The following TP63 variants were observed in gnomAD, a reference collection of about 807,000 sequenced individuals.
The protein encoded by TP63 is tumor protein p63.
TP63 carries 17 observed loss-of-function variants against 82.8 expected under a neutral mutation model. The ratio of observed to expected loss-of-function variants is 0.21; its 90% CI spans 0.14 to 0.31. The LOEUF is 0.31. TP63 is among the 10% of genes least tolerant of loss of function. The pLI is 1.00. For synonymous variants in TP63, 330 were observed against 321.7 expected (o/e 1.03, Z -0.28); for missense variants, 648 against 895.3 (o/e 0.72, Z 3.52).
chr3:189,813,491 T>C (rs1727806030), intron 4 of TP63, among the ~76,000 whole-genome samples: 1 of 152,188 alleles, frequency 6.6e-6, no homozygotes, highest in Non-Finnish European at 1.5e-5. Flanking sequence ...TCAGTCTGTC[T>C]TGATTATTGG....
At chr3:189,813,433 G>GT (rs113060165) in intron 4 of TP63, among the ~76,000 whole-genome samples, 2,956 of 152,232 alleles carry the variant, frequency 0.019, 75 homozygotes, top group African/African-American at 0.058. Flanking sequence ...TAGGGGCGGT[G>GT]TTTCTTTGTG....
chr3:189,729,156 A>G (rs888053044), intron 1 of TP63, among the ~76,000 whole-genome samples: 2 of 152,204 alleles, frequency 1.3e-5, no homozygotes, highest in East Asian at 1.9e-4. Context: ...GATGGGGAGC[A>G]TGAGTGAAGG....
At chr3:189,629,506 T>A (rs894067060), upstream of TP63, among the ~76,000 whole-genome samples, 1 of 152,178 alleles carries the variant, frequency 6.6e-6, no homozygotes, top group Non-Finnish European at 1.5e-5. Context: ...GAAGTTAATT[T>A]AAAATATTTA....
chr3:189,709,504 A>G (rs141378529), intron 1 of TP63, among the ~76,000 whole-genome samples: 61 of 152,186 alleles, frequency 4.0e-4, no homozygotes, highest in African/African-American at 1.4e-3. Context: ...TTTATTTTAA[A>G]TTTGTCTTAT....
chr3:189,888,151 C>A (rs920319740), intron 11 of TP63, among the ~76,000 whole-genome samples: 1 of 152,284 alleles, frequency 6.6e-6, no homozygotes. Flanking sequence ...AGCCACCGCG[C>A]CTGGCCACAC....
At chr3:189,619,335 C>T in the TP63 span, among the ~76,000 whole-genome samples, 1 of 152,176 alleles carries the variant, frequency 6.6e-6, no homozygotes, top group African/African-American at 2.4e-5. Context: ...AAGGGTGGTC[C>T]ATCTCCATAA....
intron 1 of TP63, among the ~76,000 whole-genome samples, chr3:189,677,815 T>C (rs1041819682): frequency 2.0e-5 from 3 of 152,106 alleles, no homozygotes; most frequent in Non-Finnish European, 2.9e-5. Context: ...TGGTATCTCA[T>C]TGTGGTTTTC....
rs904037771 is a variant in TP63, at chr3:189,866,700, G to T, written c.785G>T (p.Ser262Ile). ...EFNEGQIAPP[S>I]HLIRVEGNSH... ...TCTGCAGGACAGATTGCCCCTCCTA[G>T]TCATTTGATTCGAGTAGAGGGGAAC... Residue 262 changes from serine (S) to isoleucine (I), a missense_variant, in exon 6 of 14, where the codon AGT becomes ATT. Physicochemically the swap from Ser to Ile is moderately radical, Grantham distance 142. Transcript: ENST00000264731. 1 of 1,613,962 alleles carries T rather than the reference G, an allele frequency of 6.2e-7. No individual in the cohort carries two copies. The highest frequency in any genetic ancestry group is 2.2e-5 in the East Asian group (1 of 44,860).
chr3:189,644,695 C>A (rs1214898191), intron 1 of TP63, among the ~76,000 whole-genome samples: 1 of 152,078 alleles, frequency 6.6e-6, no homozygotes, highest in Admixed American at 6.6e-5. Flanking sequence ...CACTCTTCCC[C>A]TTGAGTGTCC....
chr3:189,851,244 G>A (rs913513771), intron 4 of TP63, among the ~76,000 whole-genome samples: 2 of 152,148 alleles, frequency 1.3e-5, no homozygotes, highest in Admixed American at 6.5e-5. Context: ...GGGAAGGGGC[G>A]CAAAGCAGTC....
intron 1 of TP63, among the ~76,000 whole-genome samples, chr3:189,723,523 A>G (rs1577305462): frequency 6.6e-6 from 1 of 152,218 alleles, no homozygotes; most frequent in Non-Finnish European, 1.5e-5. Context: ...GTCCTTTTCA[A>G]ATATTTTATT....
chr3:189,786,446 A>AACACACACAC lies in TP63; in HGVS notation c.325-21799_325-21790dup, dbSNP rs59747587. ...AAATTTGAAAGACCAGACATACCTA[A>AACACACACAC]ACACACACACACACACACACACACA... On this transcript the variant is annotated intron_variant, in intron 3 of 13. Coordinates refer to ENST00000264731, the MANE Select transcript of TP63 (RefSeq NM_003722.5). Among the ~76,000 whole-genome samples, 141 of 147,108 alleles carry AACACACACAC rather than the reference A, an allele frequency of 9.6e-4. 1 individual carries two copies. The highest frequency in any genetic ancestry group is 3.4e-3 in the African/African-American group (134 of 39,938).
intron 10 of TP63, chr3:189,880,085 G>A: frequency 6.2e-7 from 1 of 1,613,730 alleles, no homozygotes. Context: ...CCTGCTTCAG[G>A]AATGAGCTTG....
At chr3:189,666,997 C>T (rs78006228) in intron 1 of TP63, among the ~76,000 whole-genome samples, 222 of 119,614 alleles carry the variant, frequency 1.9e-3, no homozygotes, top group Middle Eastern at 0.013. Flanking sequence ...AGGCCTTGAA[C>T]AAAAGACAGC....
intron 1 of TP63, among the ~76,000 whole-genome samples, chr3:189,642,945 C>A (rs1369967768): frequency 6.6e-6 from 1 of 151,678 alleles, no homozygotes; most frequent in African/African-American, 2.4e-5. Context: ...TTCCAAGTAT[C>A]ACTCACACCC....
chr3:189,780,892 A>T lies in TP63; in HGVS notation c.325-27380A>T, dbSNP rs529202707. The stretch of plus-strand genomic sequence containing the variant: ...TTTCAGTCTGTGTGTTTTCCGGATC[A>T]TGTTGATTCTCTTCTTCTTCTTAAA... On this transcript the variant is annotated intron_variant, in intron 3 of 13. Transcript: ENST00000264731. Among the ~76,000 whole-genome samples, 15 of 152,312 alleles carry T rather than the reference A, an allele frequency of 9.8e-5. No individual in the cohort carries two copies. The East Asian group carries it at 2.7e-3, about 27-fold the overall frequency.
chr3:189,627,811 G>A (rs184881896), upstream of TP63, among the ~76,000 whole-genome samples: 2 of 152,222 alleles, frequency 1.3e-5, no homozygotes, highest in Non-Finnish European at 2.9e-5. Context: ...TGCGATGAAG[G>A]CTACTCGGTG....
intron 11 of TP63, among the ~76,000 whole-genome samples, chr3:189,888,508 A>G (rs921987455): frequency 6.6e-6 from 1 of 152,204 alleles, no homozygotes; most frequent in African/African-American, 2.4e-5. Context: ...GAGATGTGAT[A>G]GGGTATGCTC....
chr3:189,759,514 G>C (rs547906018), intron 3 of TP63, among the ~76,000 whole-genome samples: 29 of 152,246 alleles, frequency 1.9e-4, no homozygotes, highest in Non-Finnish European at 2.4e-4. Flanking sequence ...TTGGTTTTCA[G>C]CTTGATTTTA....
Sources: gnomAD v4.1 joint callset for allele counts (sites outside exome capture counted in the v4.1 genomes callset) on GRCh38, gnomAD v4.1.1 for gene constraint, MANE v1.5 for transcripts, NCBI Gene and HGNC (gene_info 2026-07-23, HGNC 2026-07-21) for gene names.